Variants in RHBDL3 observed in about 807,000 individuals in gnomAD.
RHBDL3 encodes rhomboid-related protein 3.
Under a neutral mutation model 48.2 loss-of-function variants are expected in RHBDL3, and 28 were observed. The ratio of observed to expected loss-of-function variants is 0.58; its 90% CI spans 0.43 to 0.80. The LOEUF (loss-of-function observed/expected upper bound fraction) is 0.80, where lower values mean the gene tolerates loss of function less well. Among genes scored for constraint, RHBDL3 ranks in the 30% least tolerant of loss-of-function variants. RHBDL3 has a pLI of 0.00. For synonymous variants in RHBDL3, 208 were observed against 232.3 expected (o/e 0.90, Z 0.95); for missense variants, 464 against 542.7 (o/e 0.85, Z 1.44).
chr17:32,316,312 TG>T lies in RHBDL3; in HGVS notation c.943+24del. 1 of 1,602,294 alleles carries T rather than the reference TG, an allele frequency of 6.2e-7. No homozygotes were observed. Among genetic ancestry groups the T allele is most frequent in the Non-Finnish European group, 8.5e-7 (1 of 1,169,652 alleles). ...TCTGTAGTAAGTACTGATGGGGCGC[TG>T]GGGAACCAAAGCCTGGCACCAGGGC... is the stretch of plus-strand genomic sequence containing the variant. On this transcript the variant is annotated intron_variant, in intron 8 of 8. Transcript: ENST00000269051.
At position 32,266,234 on chromosome 17, in the gene RHBDL3, C is replaced by G. The variant is rs2150681339; in HGVS notation, c.45C>G (p.Ala15=). ...CGGGCCCCGCGGTGGCCGCCTGCGC[C>G]GAGGCGGAGCGCATCGAGGAGCTGG... ...PSPGPAVAAC[A]EAERIEELEP... The change falls in exon 1 of 9, where the codon GCC becomes GCG. Residue 15 remains alanine, a synonymous_variant. Coordinates refer to ENST00000269051, the MANE Select transcript of RHBDL3 (RefSeq NM_138328.3). 6.9e-7 allele frequency: 1 copy of G among 1,447,592 alleles called. No homozygotes were observed. Among genetic ancestry groups the G allele is most frequent in the Middle Eastern group, 2.4e-4 (1 of 4,096 alleles). The allele number at this position is 1,447,592 out of a possible 1,614,324, so 89.7% of individuals were successfully genotyped here.
chr17:32,303,542 A>G (rs900354509), intron 6 of RHBDL3, among the ~76,000 whole-genome samples: 2 of 152,238 alleles, frequency 1.3e-5, no homozygotes, highest in African/African-American at 2.4e-5. Context: ...TTATCTGACA[A>G]TAGATCAATA....
chr17:32,291,332 CAAAAAA>C (rs2040322898), intron 4 of RHBDL3, among the ~76,000 whole-genome samples: 1 of 126,850 alleles, frequency 7.9e-6, no homozygotes, highest in East Asian at 2.3e-4. Context: ...GACTCCGTCT[CAAAAAA>C]GAAAAAAAGA....
intron 6 of RHBDL3, among the ~76,000 whole-genome samples, chr17:32,304,540 T>C (rs1253549132): frequency 6.6e-6 from 1 of 152,230 alleles, no homozygotes; most frequent in East Asian, 1.9e-4. Context: ...GGAATGAGGC[T>C]ACTGGCGCCT....
chr17:32,308,988 C>T (rs2040774707), intron 7 of RHBDL3, among the ~76,000 whole-genome samples: 1 of 151,994 alleles, frequency 6.6e-6, no homozygotes, highest in Non-Finnish European at 1.5e-5. Context: ...ATCACTTGAA[C>T]CTAGGAGGCA....
chr17:32,309,755 C>T (rs2040796431), intron 7 of RHBDL3, among the ~76,000 whole-genome samples: 1 of 150,080 alleles, frequency 6.7e-6, no homozygotes, highest in Non-Finnish European at 1.5e-5. Flanking sequence ...GCAAAAAGCC[C>T]TATAATCAAG....
chr17:32,301,862 T>C (rs913944199), intron 6 of RHBDL3, among the ~76,000 whole-genome samples: 8 of 150,456 alleles, frequency 5.3e-5, no homozygotes, highest in Non-Finnish European at 1.0e-4. Context: ...GTTACATTAC[T>C]TAAAGATAAA....
chr17:32,266,284 C>A lies in RHBDL3; in HGVS notation c.95C>A (p.Pro32His), dbSNP rs2039626102. The change falls in exon 1 of 9, where the codon CCC becomes CAC. Residue 32 changes from proline to histidine, a missense_variant. Coordinates refer to ENST00000269051, the MANE Select transcript of RHBDL3 (RefSeq NM_138328.3). ...ELEPEAEERLPAAPEDHWKVL... is the reference protein window; with the variant it reads ...ELEPEAEERLHAAPEDHWKVL... The stretch of plus-strand genomic sequence containing the variant: ...GAACCCGAGGCCGAGGAGCGGCTGC[C>A]CGCGGCGCCGGAGGACGTGAGTGCC... 1 of 1,466,694 alleles carries A rather than the reference C, an allele frequency of 6.8e-7. No individual in the cohort carries two copies. Among genetic ancestry groups the A allele is most frequent in the Non-Finnish European group, 9.0e-7 (1 of 1,115,778 alleles). 90.9% of individuals were successfully genotyped at this position (1,466,694 alleles called of 1,614,324 possible). A position where few individuals can be genotyped will look rare whatever the true frequency, so the allele number is the denominator to read the frequency against.
chr17:32,266,936 G>A (rs913431801), intron 1 of RHBDL3, among the ~76,000 whole-genome samples: 7 of 152,030 alleles, frequency 4.6e-5, no homozygotes, highest in South Asian at 2.1e-4. Flanking sequence ...GGCGAGGAGA[G>A]GGAGGGGCTG....
chr17:32,294,489 A>C, intron 5 of RHBDL3, 47 bp downstream of exon 5: 1 of 1,556,092 alleles, frequency 6.4e-7, no homozygotes, highest in Non-Finnish European at 8.7e-7. Context: ...CTACAGAAAA[A>C]TAAGTGGTCA....
chr17:32,291,435 A>G (rs1195918608), intron 4 of RHBDL3, among the ~76,000 whole-genome samples: 2 of 151,804 alleles, frequency 1.3e-5, no homozygotes, highest in African/African-American at 2.4e-5. Flanking sequence ...TAATTCCAGC[A>G]CCTTGGGAGG....
chr17:32,266,270 C>G lies in RHBDL3; in HGVS notation c.81C>G (p.Ala27=), dbSNP rs530721040. Residue 27 remains alanine, a synonymous_variant, in exon 1 of 9, where the codon GCC becomes GCG. Coordinates refer to ENST00000269051, the MANE Select transcript of RHBDL3 (RefSeq NM_138328.3). ...AERIEELEPE[A]EERLPAAPED... ...GCATCGAGGAGCTGGAACCCGAGGCCGAGGAGCGGCTGCCCGCGGCGCCGG... is the reference window on the plus strand; with the variant it reads ...GCATCGAGGAGCTGGAACCCGAGGCGGAGGAGCGGCTGCCCGCGGCGCCGG... 4.1e-6 allele frequency: 6 copies of G among 1,468,250 alleles called. No homozygotes were observed. In the South Asian group the frequency reaches 5.2e-5, roughly 13 times the overall value. The allele number at this position is 1,468,250 out of a possible 1,614,324, so 91.0% of individuals were successfully genotyped here.
At chr17:32,312,546 T>A (rs550301904) in intron 7 of RHBDL3, among the ~76,000 whole-genome samples, 126 of 151,994 alleles carry the variant, frequency 8.3e-4, no homozygotes, top group Non-Finnish European at 1.3e-3. Context: ...TGAGACAGAG[T>A]CTCACCCTTT....
chr17:32,310,969 C>A (rs982742415), intron 7 of RHBDL3, among the ~76,000 whole-genome samples: 2 of 151,150 alleles, frequency 1.3e-5, no homozygotes, highest in Non-Finnish European at 2.9e-5. Flanking sequence ...TTATCTGCGT[C>A]ATACTTTCAC....
chr17:32,277,584 C>T (rs2039945061), intron 2 of RHBDL3, among the ~76,000 whole-genome samples: 1 of 152,230 alleles, frequency 6.6e-6, no homozygotes, highest in African/African-American at 2.4e-5. Context: ...CCCCAGTCAA[C>T]CCTCAGGCTG....
At chr17:32,287,665 G>T (rs2040229038) in intron 3 of RHBDL3, among the ~76,000 whole-genome samples, 1 of 152,166 alleles carries the variant, frequency 6.6e-6, no homozygotes, top group Non-Finnish European at 1.5e-5. Context: ...GGTCTGGCCT[G>T]GTTTACCTCA....
At chr17:32,280,100 C>T (rs994056770) in intron 2 of RHBDL3, among the ~76,000 whole-genome samples, 1 of 152,176 alleles carries the variant, frequency 6.6e-6, no homozygotes, top group Non-Finnish European at 1.5e-5. Context: ...TCTGTGTCTT[C>T]CGCTCAGGCT....
chr17:32,283,476 A>G (rs1419249286), intron 2 of RHBDL3, among the ~76,000 whole-genome samples: 1 of 151,522 alleles, frequency 6.6e-6, no homozygotes, highest in East Asian at 1.9e-4. Flanking sequence ...GGCGCACACC[A>G]CCACGCCCGG....
At chr17:32,302,397 T>TGC (rs2040604453) in intron 6 of RHBDL3, among the ~76,000 whole-genome samples, 2 of 151,966 alleles carry the variant, frequency 1.3e-5, no homozygotes, top group African/African-American at 4.8e-5. Flanking sequence ...TGCTCTGTCA[T>TGC]CCAGGCTGGA....
Sources: allele counts gnomAD v4.1 joint callset (sites outside exome capture counted in the v4.1 genomes callset), GRCh38; gene constraint gnomAD v4.1.1; transcripts MANE v1.5; gene names NCBI Gene and HGNC (gene_info 2026-07-23, HGNC 2026-07-21).